The following AIG1 variants were observed in gnomAD, a reference collection of about 807,000 sequenced individuals.
AIG1 encodes androgen-induced gene 1 protein.
A neutral mutation model predicts 31.4 loss-of-function variants in AIG1; 23 were observed. The ratio of observed to expected loss-of-function variants is 0.73; its 90% CI spans 0.53 to 1.04. AIG1 has a LOEUF of 1.04. AIG1 is among the 50% of genes least tolerant of loss of function. AIG1 has a pLI of 0.00. For missense variants in AIG1, 274 were observed against 295.0 expected, an observed-to-expected ratio of 0.93 and a Z score of 0.52; for synonymous variants, 100 against 110.5, an observed-to-expected ratio of 0.90 and a Z score of 0.60.
intron 3 of AIG1, among the ~76,000 whole-genome samples, chr6:143,177,269 T>C (rs1036624986): frequency 9.2e-5 from 14 of 152,220 alleles, no homozygotes; most frequent in African/African-American, 3.1e-4. Context: ...GATTGTTATT[T>C]TGCATTTTTT....
At chr6:143,195,010 C>A (rs1298541609) in intron 3 of AIG1, among the ~76,000 whole-genome samples, 1 of 152,214 alleles carries the variant, frequency 6.6e-6, no homozygotes, top group Non-Finnish European at 1.5e-5. Flanking sequence ...ATTGGCCCAA[C>A]ACATATTTAT....
At chr6:143,238,308 C>T (rs1793968412) in intron 3 of AIG1, among the ~76,000 whole-genome samples, 1 of 152,222 alleles carries the variant, frequency 6.6e-6, no homozygotes, top group East Asian at 1.9e-4. Flanking sequence ...GTTATGGTCT[C>T]CTGTCCACAA....
At chr6:143,083,094 C>T (rs538719748) in intron 1 of AIG1, among the ~76,000 whole-genome samples, 1 of 152,356 alleles carries the variant, frequency 6.6e-6, no homozygotes, top group African/African-American at 2.4e-5. Context: ...ATACGTTCCT[C>T]ACTGAGGGCC....
chr6:143,220,538 G>C (rs1792400581), intron 3 of AIG1, among the ~76,000 whole-genome samples: 1 of 152,116 alleles, frequency 6.6e-6, no homozygotes, highest in African/African-American at 2.4e-5. Flanking sequence ...CAACTCTGAA[G>C]CTTCATCACG....
rs1243344943 is a variant in AIG1 at position 143,256,977 on chromosome 6, T to C, written c.400-27133T>C. Among the ~76,000 whole-genome samples the C allele has an allele frequency of 2.0e-5, 3 of 152,214 alleles. No individual in the cohort carries two copies. The highest frequency in any genetic ancestry group is 2.9e-5 in the Non-Finnish European group (2 of 68,044). ...AGAAATCTTAAATGATATAATTGGC[T>C]TTGGAAGCATTTTTAAGCTTTAGTC... On this transcript the variant is annotated intron_variant, in intron 3 of 5. Coordinates refer to ENST00000357847, the MANE Select transcript of AIG1 (RefSeq NM_016108.4). This position sits in a 1 kb window ranked among gnomAD's most constrained non-coding sequence, Gnocchi z 4.6.
intron 3 of AIG1, among the ~76,000 whole-genome samples, chr6:143,209,576 G>A (rs1791428654): frequency 6.6e-6 from 1 of 152,146 alleles, no homozygotes; most frequent in Admixed American, 6.5e-5. Flanking sequence ...ATGAACCAAG[G>A]AATGTGGACC....
intron 2 of AIG1, among the ~76,000 whole-genome samples, chr6:143,161,442 G>C (rs1392116430): frequency 2.0e-5 from 3 of 151,852 alleles, no homozygotes; most frequent in Non-Finnish European, 4.4e-5. Flanking sequence ...GAAAATTATA[G>C]ATCAGAAATC....
rs78924462 is a variant in AIG1, at chr6:143,258,022, A to G, written c.400-26088A>G. 7.1e-3 allele frequency among the ~76,000 whole-genome samples: 1,087 copies of G among 152,298 alleles called. 23 individuals carry two copies. The highest frequency in any genetic ancestry group is 0.025 in the African/African-American group (1,024 of 41,558). On this transcript the variant is annotated intron_variant, in intron 3 of 5. Coordinates refer to ENST00000357847, the MANE Select transcript of AIG1 (RefSeq NM_016108.4). The surrounding 1 kb of genome is among the most constrained non-coding windows in gnomAD (Gnocchi z 4.7). Reference sequence around the variant, plus strand: ...AGTTAAAGAGGAGGAAGGGAAAGGAACAGAAACTAATAACTACTGAATGCC... The same window carrying G: ...AGTTAAAGAGGAGGAAGGGAAAGGAGCAGAAACTAATAACTACTGAATGCC...
intron 2 of AIG1, among the ~76,000 whole-genome samples, chr6:143,152,591 G>T (rs535269199): frequency 1.1e-4 from 16 of 152,254 alleles, no homozygotes; most frequent in African/African-American, 3.9e-4. Flanking sequence ...AAGAAGCCTT[G>T]CTTTGTTTGT....
rs528343676 is a variant in AIG1, at chr6:143,234,298, T to C, written c.400-49812T>C. ...TGTTACACAAACACACACACACTTATAAAAGAAGAAAAAGTAATGTTGCTC... is the reference window on the plus strand; with the variant it reads ...TGTTACACAAACACACACACACTTACAAAAGAAGAAAAAGTAATGTTGCTC... On this transcript the variant is annotated intron_variant, in intron 3 of 5. Transcript: ENST00000357847. Among the ~76,000 whole-genome samples the C allele has an allele frequency of 7.9e-5, 12 of 152,340 alleles. No homozygotes were observed. In the East Asian group the frequency reaches 1.2e-3, roughly 15 times the overall value.
chr6:143,082,652 C>G (rs1048009188), intron 1 of AIG1, among the ~76,000 whole-genome samples: 3 of 152,136 alleles, frequency 2.0e-5, no homozygotes, highest in Non-Finnish European at 4.4e-5. Flanking sequence ...TGCCACTACC[C>G]GTAAACAGTG....
At chr6:143,309,046 T>C (rs1775046566) in intron 4 of AIG1, among the ~76,000 whole-genome samples, 2 of 151,932 alleles carry the variant, frequency 1.3e-5, no homozygotes, top group South Asian at 2.1e-4. Flanking sequence ...GGGCTTCCTT[T>C]TACTTATAGA....
At chr6:143,187,641 T>G in intron 3 of AIG1, 1 of 1,536,112 alleles carries the variant, frequency 6.5e-7, no homozygotes, top group Non-Finnish European at 8.7e-7. Context: ...TTTCAAAGCT[T>G]AAAGTTTTCT....
chr6:143,103,467 T>A (rs1250550377), intron 1 of AIG1, among the ~76,000 whole-genome samples: 1 of 151,998 alleles, frequency 6.6e-6, no homozygotes, highest in Non-Finnish European at 1.5e-5. Context: ...ATTTATAGCA[T>A]TGACAAAGTA....
At chr6:143,084,321 G>T (rs2128470966) in intron 1 of AIG1, among the ~76,000 whole-genome samples, 1 of 152,302 alleles carries the variant, frequency 6.6e-6, no homozygotes, top group African/African-American at 2.4e-5. Flanking sequence ...ATGGACGAGG[G>T]GGTGGCTTAT....
chr6:143,190,339 G>A, intron 3 of AIG1: 23 of 985,418 alleles, frequency 2.3e-5, no homozygotes, highest in Non-Finnish European at 2.8e-5. Flanking sequence ...TGATGCTTGA[G>A]GCTCCTCATG....
intron 1 of AIG1, among the ~76,000 whole-genome samples, chr6:143,083,278 A>G (rs945584687): frequency 1.3e-5 from 2 of 152,222 alleles, no homozygotes; most frequent in Non-Finnish European, 2.9e-5. Flanking sequence ...CCATGTACCA[A>G]AGGACATGAG....
At chr6:143,223,771 A>G (rs1792715026) in intron 3 of AIG1, among the ~76,000 whole-genome samples, 1 of 152,218 alleles carries the variant, frequency 6.6e-6, no homozygotes, top group Non-Finnish European at 1.5e-5. Flanking sequence ...TTGAATAACT[A>G]CAATTTATAA....
chr6:143,265,589 A>G (rs534786438), intron 3 of AIG1, among the ~76,000 whole-genome samples: 1 of 152,324 alleles, frequency 6.6e-6, no homozygotes, highest in East Asian at 1.9e-4. Context: ...AGAAACAAAC[A>G]AAATAAATTG....
Sources: gnomAD v4.1 joint callset for allele counts (sites outside exome capture counted in the v4.1 genomes callset) on GRCh38, gnomAD v4.1.1 for gene constraint, Gnocchi (gnomAD v3.1) non-coding constraint, MANE v1.5 for transcripts, NCBI Gene and HGNC (gene_info 2026-07-23, HGNC 2026-07-21) for gene names.